The following PTPRD variants were observed in gnomAD, a reference collection of about 807,000 sequenced individuals.
PTPRD encodes the protein receptor-type tyrosine-protein phosphatase delta.
PTPRD carries 34 observed loss-of-function variants against 214.5 expected under a neutral mutation model. The ratio of observed to expected loss-of-function variants is 0.16; its 90% confidence interval spans 0.12 to 0.21. PTPRD has a LOEUF of 0.21. Among genes scored for constraint, PTPRD ranks in the 10% least tolerant of loss-of-function variants. The probability of loss-of-function intolerance (pLI) is 1.00; values close to 1 mark genes in which losing one functional copy is unlikely to be tolerated. For missense variants in PTPRD, 2,545 were observed against 2,398.7 expected, an observed-to-expected ratio of 1.06 and a Z score of -1.27; for synonymous variants, 1,128 against 845.7, an observed-to-expected ratio of 1.33 and a Z score of -5.79.
At chr9:9,796,144 G>A (rs758449752) in intron 5 of PTPRD, among the ~76,000 whole-genome samples, 13 of 151,906 alleles carry the variant, frequency 8.6e-5, no homozygotes, top group Non-Finnish European at 1.9e-4. Flanking sequence ...TTTTTAAAGA[G>A]GATCCCCAAA....
intron 5 of PTPRD, among the ~76,000 whole-genome samples, chr9:9,892,699 C>G (rs544707807): frequency 6.7e-6 from 1 of 149,576 alleles, no homozygotes; most frequent in South Asian, 2.1e-4. Context: ...TGAGGGTGAC[C>G]AAGAGAGAAG....
intron 3 of PTPRD, among the ~76,000 whole-genome samples, chr9:10,082,109 G>T (rs1301157282): frequency 6.6e-6 from 1 of 152,046 alleles, no homozygotes; most frequent in South Asian, 2.1e-4. Flanking sequence ...CATACAAAAT[G>T]AACCTCTTCA....
At chr9:9,046,283 C>T (rs1210159417) in intron 10 of PTPRD, among the ~76,000 whole-genome samples, 1 of 152,112 alleles carries the variant, frequency 6.6e-6, no homozygotes, top group African/African-American at 2.4e-5. Context: ...AACTAAAACT[C>T]CAGTCTCTTG....
intron 3 of PTPRD, among the ~76,000 whole-genome samples, chr9:10,298,750 C>T (rs2095767829): frequency 6.6e-6 from 1 of 151,910 alleles, no homozygotes; most frequent in Admixed American, 6.6e-5. Context: ...CCATATCTAA[C>T]AAATATAATA....
intron 14 of PTPRD, among the ~76,000 whole-genome samples, chr9:8,540,832 A>G (rs2078219156): frequency 6.6e-6 from 1 of 152,170 alleles, no homozygotes; most frequent in Non-Finnish European, 1.5e-5. Flanking sequence ...AGTGACTCAG[A>G]TATGTCTAAA....
At chr9:9,686,315 T>A (rs1261713440) in intron 7 of PTPRD, among the ~76,000 whole-genome samples, 1 of 151,362 alleles carries the variant, frequency 6.6e-6, no homozygotes, top group South Asian at 2.1e-4. Flanking sequence ...AAAAATTCTA[T>A]ATTTAAACTC....
At chr9:8,648,223 G>A (rs1024980791) in intron 12 of PTPRD, among the ~76,000 whole-genome samples, 8 of 152,148 alleles carry the variant, frequency 5.3e-5, no homozygotes, top group African/African-American at 9.7e-5. Flanking sequence ...TTACAGCAAC[G>A]AAAACTGTAT....
intron 30 of PTPRD, among the ~76,000 whole-genome samples, chr9:8,481,154 A>T (rs1478470528): frequency 2.0e-5 from 3 of 151,340 alleles, no homozygotes; most frequent in East Asian, 3.9e-4. Flanking sequence ...AAAAAAAAAA[A>T]AAAAAAAAAA....
At chr9:10,453,887 A>G (rs1218050807) in intron 2 of PTPRD, among the ~76,000 whole-genome samples, 1 of 151,702 alleles carries the variant, frequency 6.6e-6, no homozygotes, top group Non-Finnish European at 1.5e-5. Context: ...ATATTAGAAA[A>G]AAAGCTTTCA....
intron 11 of PTPRD, among the ~76,000 whole-genome samples, chr9:8,865,836 C>T (rs1264681502): frequency 6.6e-6 from 1 of 152,128 alleles, no homozygotes; most frequent in African/African-American, 2.4e-5. Context: ...CTAATCACAA[C>T]ACACACCAAA....
intron 14 of PTPRD, among the ~76,000 whole-genome samples, chr9:8,533,173 CTCT>C (rs2076137015): frequency 6.6e-6 from 1 of 152,034 alleles, no homozygotes; most frequent in African/African-American, 2.4e-5. Flanking sequence ...AACACTGAAT[CTCT>C]TCTTTGTAAG....
chr9:8,329,985 G>T (rs1383237656), intron 44 of PTPRD, among the ~76,000 whole-genome samples: 2 of 133,326 alleles, frequency 1.5e-5, no homozygotes, highest in Admixed American at 1.6e-4. Context: ...TGGGCTCTGT[G>T]GGGGTGGGAC....
chr9:9,686,046 G>T (rs1443804438), intron 7 of PTPRD, among the ~76,000 whole-genome samples: 1 of 151,338 alleles, frequency 6.6e-6, no homozygotes, highest in Admixed American at 6.6e-5. Flanking sequence ...GAGAGCATAA[G>T]AAAATTTAAG....
chr9:9,255,697 C>T (rs1292798689), intron 9 of PTPRD, among the ~76,000 whole-genome samples: 1 of 152,026 alleles, frequency 6.6e-6, no homozygotes, highest in Non-Finnish European at 1.5e-5. Context: ...AAAAGTTTTA[C>T]AACCTTTTGT....
chr9:8,422,516 T>C (rs898724718), intron 35 of PTPRD, among the ~76,000 whole-genome samples: 1 of 152,182 alleles, frequency 6.6e-6, no homozygotes, highest in Non-Finnish European at 1.5e-5. Flanking sequence ...TTCAGCCACG[T>C]CACTTAACTG....
chr9:9,958,584 G>C (rs1027227268), intron 4 of PTPRD, among the ~76,000 whole-genome samples: 1 of 152,018 alleles, frequency 6.6e-6, no homozygotes, highest in African/African-American at 2.4e-5. Context: ...CTTATGCTGT[G>C]TAAAACAAAC....
chr9:10,024,431 C>G (rs937632553), intron 4 of PTPRD, among the ~76,000 whole-genome samples: 5 of 152,032 alleles, frequency 3.3e-5, no homozygotes, highest in Non-Finnish European at 5.9e-5. Context: ...GTGACAGACT[C>G]AACACTTTTA....
intron 12 of PTPRD, among the ~76,000 whole-genome samples, chr9:8,720,779 T>G (rs1233570790): frequency 6.6e-6 from 1 of 152,098 alleles, no homozygotes; most frequent in Non-Finnish European, 1.5e-5. Context: ...GTGACATAAC[T>G]TTCCTCCATG....
At chr9:9,233,256 A>C (rs922262519) in intron 9 of PTPRD, among the ~76,000 whole-genome samples, 1 of 152,166 alleles carries the variant, frequency 6.6e-6, no homozygotes, top group African/African-American at 2.4e-5. Context: ...AGTGCCAAGC[A>C]AACGGGGAAA....
Sources: allele counts gnomAD v4.1 joint callset (sites outside exome capture counted in the v4.1 genomes callset), GRCh38; gene constraint gnomAD v4.1.1; transcripts MANE v1.5; gene names NCBI Gene and HGNC (gene_info 2026-07-23, HGNC 2026-07-21).